Variants in SYNGR1 observed in about 807,000 individuals in gnomAD.
SYNGR1 encodes synaptogyrin-1.
SYNGR1 carries 14 observed loss-of-function variants against 26.1 expected under a neutral mutation model. That is an observed-to-expected ratio of 0.54 (90% CI 0.35 to 0.84). The LOEUF (loss-of-function observed/expected upper bound fraction) is 0.84, where lower values mean the gene tolerates loss of function less well. SYNGR1 is among the 40% of genes least tolerant of loss of function. The pLI, the probability that SYNGR1 is intolerant of heterozygous loss-of-function variation, is 0.01. For synonymous variants in SYNGR1, 141 were observed against 150.1 expected (o/e 0.94, Z 0.44); for missense variants, 319 against 332.9 (o/e 0.96, Z 0.33).
At chr22:39,357,640 C>T (rs1924213409) in intron 1 of SYNGR1, among the ~76,000 whole-genome samples, 1 of 135,436 alleles carries the variant, frequency 7.4e-6, no homozygotes. Context: ...AGCAGCCGGC[C>T]AGCCCTGCTG....
At chr22:39,354,611 G>A (rs1394296619) in intron 1 of SYNGR1, among the ~76,000 whole-genome samples, 4 of 152,150 alleles carry the variant, frequency 2.6e-5, no homozygotes, top group South Asian at 2.1e-4. Context: ...AGGCCAAGGC[G>A]GGTGGATCAC....
intron 2 of SYNGR1, 180 bp downstream of exon 2, chr22:39,374,733 T>C: frequency 1.5e-6 from 1 of 680,188 alleles, no homozygotes; most frequent in South Asian, 1.8e-5. Context: ...GGACAGGGCC[T>C]GGGACCCCAA....
intron 1 of SYNGR1, among the ~76,000 whole-genome samples, chr22:39,357,616 GGCCCC>G (rs1426043067): frequency 4.1e-5 from 6 of 145,552 alleles, no homozygotes; most frequent in African/African-American, 1.0e-4. Flanking sequence ...GGGCTTGGCG[GGCCCC>G]GCCCTCGGAG....
chr22:39,385,102 T>C lies in SYNGR1; in HGVS notation c.*3188T>C. 1 of 398,298 alleles carries C rather than the reference T, an allele frequency of 2.5e-6. No homozygotes were observed. Among genetic ancestry groups the C allele is most frequent in the Non-Finnish European group, 4.4e-6 (1 of 225,924 alleles). 24.7% of individuals were successfully genotyped at this position (398,298 alleles called of 1,614,324 possible). On this transcript the variant is annotated 3_prime_UTR_variant, in exon 4 of 4. Transcript: ENST00000328933. Reference sequence around the variant, plus strand: ...CATGTAACTGAGACACCCTGCCTGTTAGCCCTGGGAGACCCCTAACCTTGG... The same window carrying C: ...CATGTAACTGAGACACCCTGCCTGTCAGCCCTGGGAGACCCCTAACCTTGG...
chr22:39,370,493 T>G (rs1162259134), intron 1 of SYNGR1, among the ~76,000 whole-genome samples: 1 of 152,108 alleles, frequency 6.6e-6, no homozygotes, highest in Non-Finnish European at 1.5e-5. Flanking sequence ...CCACGCTGGT[T>G]GTTCCTTTTT....
At chr22:39,374,199 C>A in intron 1 of SYNGR1, 117 bp from the exon 2 acceptor site, 1 of 913,864 alleles carries the variant, frequency 1.1e-6, no homozygotes, top group Non-Finnish European at 1.8e-6. Context: ...CTGCTTAACC[C>A]GGGTCTTGTA....
chr22:39,359,908 C>T (rs1924387212), intron 1 of SYNGR1, among the ~76,000 whole-genome samples: 2 of 152,088 alleles, frequency 1.3e-5, no homozygotes, highest in South Asian at 4.1e-4. Flanking sequence ...TTTCCATCTC[C>T]CTCTCCCTCC....
chr22:39,379,152 C>T (rs1006778493), intron 3 of SYNGR1, among the ~76,000 whole-genome samples: 1 of 152,148 alleles, frequency 6.6e-6, no homozygotes, highest in Non-Finnish European at 1.5e-5. Flanking sequence ...CAGGCTCCGG[C>T]GTCTGAGCCC....
chr22:39,375,990 C>T (rs752164024), intron 2 of SYNGR1, 62 bp from the exon 3 acceptor site: 2 of 1,609,250 alleles, frequency 1.2e-6, no homozygotes, highest in South Asian at 1.1e-5. Context: ...CCATTTTCTC[C>T]CCACTCACCC....
intron 1 of SYNGR1, among the ~76,000 whole-genome samples, chr22:39,365,860 G>T (rs1924726257): frequency 6.6e-6 from 1 of 151,574 alleles, no homozygotes; most frequent in South Asian, 2.1e-4. Flanking sequence ...TTCACACCTG[G>T]CTAATTTTTG....
chr22:39,359,548 G>T (rs993830791), intron 1 of SYNGR1, among the ~76,000 whole-genome samples: 4 of 148,254 alleles, frequency 2.7e-5, no homozygotes, highest in African/African-American at 9.9e-5. Context: ...GGAGAATGGC[G>T]TGAACCTGGG....
At chr22:39,353,197 G>A (rs527925173) in intron 1 of SYNGR1, among the ~76,000 whole-genome samples, 1 of 152,082 alleles carries the variant, frequency 6.6e-6, no homozygotes, top group Non-Finnish European at 1.5e-5. Context: ...GTAAAAGAAA[G>A]ATTTTTTTTT....
At chr22:39,362,207 G>A (rs915469193) in intron 1 of SYNGR1, among the ~76,000 whole-genome samples, 21 of 152,120 alleles carry the variant, frequency 1.4e-4, no homozygotes, top group African/African-American at 5.1e-4. Flanking sequence ...CCAGAGGAGA[G>A]GAAGATGGGG....
intron 3 of SYNGR1, among the ~76,000 whole-genome samples, chr22:39,376,471 C>G (rs1047939499): frequency 1.6e-4 from 25 of 152,258 alleles, no homozygotes; most frequent in Non-Finnish European, 2.1e-4. Context: ...CCACCCCCCC[C>G]CCAAACCACT....
intron 1 of SYNGR1, among the ~76,000 whole-genome samples, chr22:39,373,937 G>C (rs1317184040): frequency 6.6e-6 from 1 of 152,230 alleles, no homozygotes; most frequent in East Asian, 1.9e-4. Flanking sequence ...GGGGGTGGGG[G>C]CTGGGCAGGT....
chr22:39,359,981 C>G (rs1179290801), intron 1 of SYNGR1, among the ~76,000 whole-genome samples: 1 of 152,164 alleles, frequency 6.6e-6, no homozygotes, highest in Non-Finnish European at 1.5e-5. Flanking sequence ...TGCACTGGCC[C>G]TCACCACCCC....
At chr22:39,376,255 G>A in intron 3 of SYNGR1, 58 bp downstream of exon 3, 1 of 1,612,982 alleles carries the variant, frequency 6.2e-7, no homozygotes, top group Admixed American at 1.7e-5. Flanking sequence ...CTGAGCCCCT[G>A]GATGGGTGGC....
intron 1 of SYNGR1, among the ~76,000 whole-genome samples, chr22:39,371,530 C>A (rs1396990448): frequency 6.6e-6 from 1 of 151,976 alleles, no homozygotes; most frequent in African/African-American, 2.4e-5. Flanking sequence ...TGGCTCACGC[C>A]CGTAATCCCA....
At position 39,350,175 on chromosome 22, in the gene SYNGR1, G is replaced by A; in HGVS notation, c.99+66G>A. 6 of 1,174,174 alleles carry A rather than the reference G, an allele frequency of 5.1e-6. No homozygotes were observed. Among genetic ancestry groups the A allele is most frequent in the South Asian group, 1.9e-5 (1 of 51,868 alleles). The allele number at this position is 1,174,174 out of a possible 1,614,324, so 72.7% of individuals were successfully genotyped here. Reference sequence around the variant, plus strand: ...GTGGGGGTGTGAGCAAAGGCGGCGCGCCCGGACCGACCCCGACCCCGACCC... The same window carrying A: ...GTGGGGGTGTGAGCAAAGGCGGCGCACCCGGACCGACCCCGACCCCGACCC... On this transcript the variant is annotated intron_variant, in intron 1 of 3. Coordinates refer to ENST00000328933, the MANE Select transcript of SYNGR1 (RefSeq NM_004711.5). This position sits in a 1 kb window ranked among gnomAD's most constrained non-coding sequence, Gnocchi z 4.3.
Sources: allele counts gnomAD v4.1 joint callset (sites outside exome capture counted in the v4.1 genomes callset), GRCh38; gene constraint gnomAD v4.1.1; non-coding constraint Gnocchi (gnomAD v3.1); transcripts MANE v1.5; gene names NCBI Gene and HGNC (gene_info 2026-07-23, HGNC 2026-07-21).